FGF14: variants seen among roughly 807,000 people sequenced by gnomAD.
FGF14 encodes fibroblast growth factor 14, also known as fibroblast growth factor homologous factor 4.
Under a neutral mutation model 25.5 loss-of-function variants are expected in FGF14, and 5 were observed. That is an observed-to-expected ratio of 0.20 (90% CI 0.10 to 0.41). The LOEUF (loss-of-function observed/expected upper bound fraction) is 0.41, where lower values mean the gene tolerates loss of function less well. Ranked by LOEUF, FGF14 falls within the 10% of genes least tolerant of loss-of-function variation. The pLI, the probability that FGF14 is intolerant of heterozygous loss-of-function variation, is 1.00. For synonymous variants in FGF14, 138 were observed against 118.3 expected (o/e 1.17, Z -1.08); for missense variants, 222 against 320.1 (o/e 0.69, Z 2.34).
intron 1 of FGF14, among the ~76,000 whole-genome samples, chr13:101,951,870 T>C (rs1384411979): frequency 6.6e-6 from 1 of 152,196 alleles, no homozygotes; most frequent in African/African-American, 2.4e-5. Context: ...AATTTGTTAA[T>C]ACTGGAAGGA....
At chr13:101,769,651 GAACA>G (rs140338464) in intron 3 of FGF14, among the ~76,000 whole-genome samples, 1,971 of 152,218 alleles carry the variant, frequency 0.013, 19 homozygotes, top group Non-Finnish European at 0.021. Flanking sequence ...GTCAATCCAT[GAACA>G]GACATGGAAT....
chr13:102,230,070 G>A (rs2051008896), intron 1 of FGF14, among the ~76,000 whole-genome samples: 1 of 152,164 alleles, frequency 6.6e-6, no homozygotes, highest in South Asian at 2.1e-4. Flanking sequence ...AATTTGGGGA[G>A]GAGATTGGGT....
At chr13:101,912,628 T>C (rs891779778) in intron 1 of FGF14, among the ~76,000 whole-genome samples, 5 of 152,152 alleles carry the variant, frequency 3.3e-5, no homozygotes, top group African/African-American at 1.2e-4. Flanking sequence ...TCTTTGTTCA[T>C]ATATTAGTTA....
intron 1 of FGF14, among the ~76,000 whole-genome samples, chr13:102,178,920 T>C (rs1225584825): frequency 2.0e-5 from 3 of 152,102 alleles, no homozygotes; most frequent in African/African-American, 7.2e-5. Flanking sequence ...CATGGAGCTA[T>C]ATACATCCAT....
chr13:102,235,573 A>G (rs2051291006), intron 1 of FGF14, among the ~76,000 whole-genome samples: 1 of 152,226 alleles, frequency 6.6e-6, no homozygotes, highest in South Asian at 2.1e-4. Flanking sequence ...GATATACCAT[A>G]CAAATGTTGC....
At chr13:101,823,552 C>T (rs1442062279) in intron 3 of FGF14, among the ~76,000 whole-genome samples, 1 of 150,762 alleles carries the variant, frequency 6.6e-6, no homozygotes, top group Non-Finnish European at 1.5e-5. Flanking sequence ...ATTCTCCTGC[C>T]TCAGCCTCCC....
chr13:101,902,382 G>A (rs1226204626), intron 1 of FGF14, among the ~76,000 whole-genome samples: 2 of 151,892 alleles, frequency 1.3e-5, no homozygotes, highest in Middle Eastern at 3.4e-3. Flanking sequence ...AGGCTCATAC[G>A]TTTCTTAACA....
At chr13:102,360,068 C>G (rs1476968666) in intron 1 of FGF14, among the ~76,000 whole-genome samples, 1 of 152,104 alleles carries the variant, frequency 6.6e-6, no homozygotes, top group Non-Finnish European at 1.5e-5. Flanking sequence ...AGCTATAACA[C>G]ATAAAAATAT....
intron 1 of FGF14, among the ~76,000 whole-genome samples, chr13:101,993,054 A>G (rs1169631787): frequency 6.6e-6 from 1 of 152,004 alleles, no homozygotes; most frequent in Non-Finnish European, 1.5e-5. Context: ...AAACAAAGAG[A>G]AAGAGAAAAT....
rs2034928807 is a variant in FGF14, at chr13:101,720,886, T to G, written c.*1945A>C. ...TAACTTTTTATTTATTCAAGTAGAA[T>G]CCAATATGAAAATGAAATAAGCATA... On this transcript the variant is annotated 3_prime_UTR_variant, in exon 5 of 5. Transcript: ENST00000376143. 6.6e-6 allele frequency: 1 copy of G among 152,100 alleles called. No homozygotes were observed. The highest frequency in any genetic ancestry group is 6.6e-5 in the Admixed American group (1 of 15,248). The allele number at this position is 152,100 out of a possible 1,614,324, so 9.4% of individuals were successfully genotyped here. A position where few individuals can be genotyped will look rare whatever the true frequency, so the allele number is the denominator to read the frequency against.
chr13:101,888,026 T>C (rs377161781), intron 1 of FGF14, among the ~76,000 whole-genome samples: 12 of 152,156 alleles, frequency 7.9e-5, no homozygotes, highest in East Asian at 3.9e-4. Flanking sequence ...AGTACCTTTT[T>C]CAGGTAAGGA....
At chr13:102,241,134 G>A (rs2051575974) in intron 1 of FGF14, among the ~76,000 whole-genome samples, 1 of 152,074 alleles carries the variant, frequency 6.6e-6, no homozygotes, top group African/African-American at 2.4e-5. Flanking sequence ...ATGAACAGTG[G>A]ACGCTTTGAT....
rs141111943 is a variant in FGF14, at chr13:101,847,398, T to C, written c.408+21327A>G. Among the ~76,000 whole-genome samples the C allele has an allele frequency of 3.6e-4, 55 of 152,190 alleles. No individual in the cohort carries two copies. The East Asian group carries it at 9.9e-3, about 27-fold the overall frequency. On this transcript the variant is annotated intron_variant, in intron 3 of 4. Coordinates refer to ENST00000376143, the MANE Select transcript of FGF14 (RefSeq NM_004115.4). ...ATATGAGCTATAGGATAATTTTAGG[T>C]GCTAACATTAAGTATAACTTAGCTC...
intron 1 of FGF14, among the ~76,000 whole-genome samples, chr13:101,979,295 G>A (rs2038112254): frequency 6.6e-6 from 1 of 152,206 alleles, no homozygotes; most frequent in Non-Finnish European, 1.5e-5. Context: ...TATCAAGTAT[G>A]ATACACATTT....
At chr13:102,142,408 A>T (rs1383629102) in intron 1 of FGF14, among the ~76,000 whole-genome samples, 1 of 152,006 alleles carries the variant, frequency 6.6e-6, no homozygotes, top group Non-Finnish European at 1.5e-5. Flanking sequence ...AAAAAAATGG[A>T]AAAGGAAAAA....
intron 1 of FGF14, among the ~76,000 whole-genome samples, chr13:101,965,804 A>T (rs1352851645): frequency 6.6e-6 from 1 of 152,182 alleles, no homozygotes; most frequent in South Asian, 2.1e-4. Context: ...ATCAATTTTA[A>T]GGAACTGACT....
intron 1 of FGF14, among the ~76,000 whole-genome samples, chr13:102,110,920 T>C (rs996483489): frequency 1.3e-5 from 2 of 152,228 alleles, no homozygotes; most frequent in African/African-American, 2.4e-5. Flanking sequence ...TGCTATAAAC[T>C]GACAAAGGTT....
chr13:101,724,103 C>T (rs554217075), intron 4 of FGF14, among the ~76,000 whole-genome samples: 6 of 152,066 alleles, frequency 3.9e-5, no homozygotes, highest in South Asian at 4.1e-4. Context: ...GGAACTAATG[C>T]GTATCCTGAA....
chr13:101,976,193 A>G (rs919445610), intron 1 of FGF14, among the ~76,000 whole-genome samples: 1 of 152,078 alleles, frequency 6.6e-6, no homozygotes, highest in African/African-American at 2.4e-5. Context: ...CAGTCCCAAA[A>G]TAGTATAATC....
Sources: gnomAD v4.1 joint callset for allele counts (sites outside exome capture counted in the v4.1 genomes callset) on GRCh38, gnomAD v4.1.1 for gene constraint, MANE v1.5 for transcripts, NCBI Gene and HGNC (gene_info 2026-07-23, HGNC 2026-07-21) for gene names.